Variants in RBFOX1 observed in about 807,000 individuals in gnomAD.
RBFOX1 encodes the protein RNA binding fox-1 homolog 1.
RBFOX1 carries 8 observed loss-of-function variants against 57.7 expected under a neutral mutation model. The observed-to-expected ratio is 0.14, with a 90% CI of 0.08 to 0.25. The LOEUF (loss-of-function observed/expected upper bound fraction) is 0.25. Ranked by LOEUF, RBFOX1 falls within the 10% of genes least tolerant of loss-of-function variation. RBFOX1 has a pLI of 1.00. For missense variants in RBFOX1, 611 were observed against 548.5 expected (o/e 1.11, Z -1.14); for synonymous variants, 326 against 222.4 (o/e 1.47, Z -4.15).
At chr16:6,561,440 C>T (rs1029287845) in intron 2 of RBFOX1, among the ~76,000 whole-genome samples, 1 of 152,094 alleles carries the variant, frequency 6.6e-6, no homozygotes, top group African/African-American at 2.4e-5. Context: ...TGTATTTACC[C>T]AATAGGCTGT....
intron 3 of RBFOX1, among the ~76,000 whole-genome samples, chr16:6,929,372 C>T (rs919340747): frequency 2.5e-4 from 38 of 152,092 alleles, no homozygotes; most frequent in African/African-American, 8.7e-4. Context: ...TCCCGGTGCA[C>T]GTCACCATTG....
At chr16:6,676,673 C>CTTTTTTTTTTT (rs756578276) in intron 3 of RBFOX1, among the ~76,000 whole-genome samples, 1 of 103,550 alleles carries the variant, frequency 9.7e-6, no homozygotes, top group Non-Finnish European at 1.9e-5. Context: ...TTTTTCTTTT[C>CTTTTTTTTTTT]TTTTTTTTTT....
intron 1 of RBFOX1, among the ~76,000 whole-genome samples, chr16:6,078,723 G>C (rs892984276): frequency 3.9e-5 from 6 of 152,134 alleles, no homozygotes; most frequent in Non-Finnish European, 8.8e-5. Flanking sequence ...TACCACAAAT[G>C]GTAGCTATCA....
Position 6,913,818 on chromosome 16 carries a change from A to G in RBFOX1, c.-15-138239A>G, listed in dbSNP as rs537550794. Among the ~76,000 whole-genome samples, 313 of 152,280 alleles carry G rather than the reference A, an allele frequency of 2.1e-3. 2 individuals are homozygous for G. The South Asian group carries it at 0.026, about 13-fold the overall frequency. ...ACAGTGACAGCAGGCATGCTAAACT[A>G]CTTCCCAGCCCTGCATGTGGCGTAA... On this transcript the variant is annotated intron_variant, in intron 3 of 15. Coordinates refer to ENST00000550418, the MANE Select transcript of RBFOX1 (RefSeq NM_018723.4).
At chr16:5,985,887 A>C (rs1213067448) in intron 4 of RBFOX1, among the ~76,000 whole-genome samples, 1 of 152,160 alleles carries the variant, frequency 6.6e-6, no homozygotes, top group East Asian at 1.9e-4. Context: ...CTTACGTTTG[A>C]GAAGAATGAG....
At chr16:7,477,760 C>G (rs1344525516) in intron 4 of RBFOX1, among the ~76,000 whole-genome samples, 1 of 152,188 alleles carries the variant, frequency 6.6e-6, no homozygotes, top group Non-Finnish European at 1.5e-5. Flanking sequence ...CAAATATGAC[C>G]TTTCCCTTCT....
intron 4 of RBFOX1, among the ~76,000 whole-genome samples, chr16:7,108,531 G>A (rs553893979): frequency 6.6e-6 from 1 of 152,130 alleles, no homozygotes; most frequent in Non-Finnish European, 1.5e-5. Flanking sequence ...CTGAGTATAT[G>A]GTGGTGCAGA....
At chr16:6,518,597 A>G (rs566001030) in intron 2 of RBFOX1, among the ~76,000 whole-genome samples, 1 of 152,224 alleles carries the variant, frequency 6.6e-6, no homozygotes, top group Admixed American at 6.5e-5. Flanking sequence ...TGAAATTCAG[A>G]CCACTTACTG....
At chr16:7,671,691 C>A in intron 13 of RBFOX1, 1 of 1,181,182 alleles carries the variant, frequency 8.5e-7, no homozygotes, top group East Asian at 2.3e-5. Flanking sequence ...GGGAGGGGAA[C>A]AGTTCTCTAA....
At chr16:5,720,032 C>G (rs942483098) in intron 3 of RBFOX1, among the ~76,000 whole-genome samples, 3 of 152,148 alleles carry the variant, frequency 2.0e-5, no homozygotes, top group African/African-American at 4.8e-5. Context: ...CCCATTCCCC[C>G]TCACAATAAA....
chr16:6,805,130 T>C (rs112903219), intron 3 of RBFOX1, among the ~76,000 whole-genome samples: 36,806 of 151,932 alleles, frequency 0.24, 4,914 homozygotes, highest in Non-Finnish European at 0.3. Context: ...AGCAAAGATA[T>C]GGAATCAACC....
At chr16:6,635,166 A>T (rs1021820855) in intron 2 of RBFOX1, among the ~76,000 whole-genome samples, 1 of 147,264 alleles carries the variant, frequency 6.8e-6, no homozygotes, top group East Asian at 2.0e-4. Flanking sequence ...AGTATAATAT[A>T]TTACGAAAGT....
chr16:6,205,862 A>AGTTT (rs1567675773), intron 1 of RBFOX1, among the ~76,000 whole-genome samples: 215 of 25,574 alleles, frequency 8.4e-3, no homozygotes, highest in African/African-American at 0.021. Context: ...ACGAGATCAT[A>AGTTT]CTTTTTTTTT....
chr16:7,350,752 T>G (rs2097114080), intron 4 of RBFOX1, among the ~76,000 whole-genome samples: 1 of 152,176 alleles, frequency 6.6e-6, no homozygotes, highest in Non-Finnish European at 1.5e-5. Context: ...AGGGCCCGTT[T>G]CAGGGATGTG....
chr16:6,744,890 A>T (rs1284763402), intron 3 of RBFOX1, among the ~76,000 whole-genome samples: 1 of 152,060 alleles, frequency 6.6e-6, no homozygotes, highest in Non-Finnish European at 1.5e-5. Flanking sequence ...AATCTTTGAA[A>T]CCAAAAGCTG....
chr16:6,674,581 C>G lies in RBFOX1; in HGVS notation c.-16+19931C>G, dbSNP rs139616000. On this transcript the variant is annotated intron_variant, in intron 3 of 15. Transcript: ENST00000550418. The stretch of plus-strand genomic sequence containing the variant: ...AAGTGATCCACCCACCTCAGCCTCC[C>G]AAAGTGTTGGAATTACAGGCGTGAG... 1.6e-3 allele frequency among the ~76,000 whole-genome samples: 239 copies of G among 152,168 alleles called. No individual in the cohort carries two copies. The East Asian group carries it at 0.027, about 17-fold the overall frequency.
chr16:6,793,710 C>G (rs2083399482), intron 3 of RBFOX1, among the ~76,000 whole-genome samples: 1 of 152,120 alleles, frequency 6.6e-6, no homozygotes, highest in Non-Finnish European at 1.5e-5. Flanking sequence ...TCTTTTCACC[C>G]TGTTGTTAGA....
chr16:7,516,338 G>C (rs1405660385), intron 4 of RBFOX1, among the ~76,000 whole-genome samples: 2 of 152,074 alleles, frequency 1.3e-5, no homozygotes, highest in Non-Finnish European at 2.9e-5. Context: ...GACTATCTCA[G>C]TGGGACCATC....
chr16:6,130,944 A>G (rs1158859520), intron 1 of RBFOX1, among the ~76,000 whole-genome samples: 1 of 152,188 alleles, frequency 6.6e-6, no homozygotes, highest in Non-Finnish European at 1.5e-5. Context: ...TTTGCAATCA[A>G]CAACTCTCTC....
Sources: gnomAD v4.1 joint callset for allele counts (sites outside exome capture counted in the v4.1 genomes callset) on GRCh38, gnomAD v4.1.1 for gene constraint, MANE v1.5 for transcripts, NCBI Gene and HGNC (gene_info 2026-07-23, HGNC 2026-07-21) for gene names.